The following SLC4A7 variants were observed in gnomAD, a reference collection of about 807,000 sequenced individuals.
SLC4A7 encodes sodium bicarbonate cotransporter 3.
Under a neutral mutation model 137.6 loss-of-function variants are expected in SLC4A7, and 51 were observed. The observed-to-expected ratio is 0.37, with a 90% CI of 0.30 to 0.47. SLC4A7 has a LOEUF of 0.47. Ranked by LOEUF, SLC4A7 falls within the 20% of genes least tolerant of loss-of-function variation. SLC4A7 has a pLI of 1.00. For synonymous variants in SLC4A7, 542 were observed against 518.6 expected, an observed-to-expected ratio of 1.05 and a Z score of -0.61; for missense variants, 1,247 against 1,525.4, an observed-to-expected ratio of 0.82 and a Z score of 3.04.
intron 8 of SLC4A7, 121 bp from the exon 9 acceptor site, chr3:27,421,900 G>C: frequency 1.4e-6 from 1 of 690,860 alleles, no homozygotes; most frequent in Non-Finnish European, 2.3e-6. Context: ...GTGATCTAAT[G>C]AATGTTTAAA....
intron 20 of SLC4A7, 81 bp downstream of exon 20, chr3:27,394,431 TTAAGTA>T (rs1283055434): frequency 7.4e-5 from 89 of 1,197,518 alleles, no homozygotes; most frequent in Non-Finnish European, 9.7e-5. Context: ...TTTAGGTATT[TTAAGTA>T]TATTTTAATG....
Position 27,484,115 on chromosome 3 carries a change from A to T in SLC4A7, c.12T>A (p.Asp4Glu), listed in dbSNP as rs540556299. MEA[D>E]GAGEQMRPLL... ...GCGGTCTCATCTGCTCGCCGGCCCC[A>T]TCAGCCTCCATGGCCGGCCGGCCAG... The change falls in exon 1 of 26, where the codon GAT (aspartate) becomes GAA (glutamate). Residue 4 changes from aspartate (D) to glutamate (E), a missense_variant. Asp to Glu is a conservative substitution (Grantham distance 45). This residue lies in a region of SLC4A7 where 176 missense variants were observed against 186.4 expected (regional missense o/e 0.94). Transcript: ENST00000454389. 574 of 1,390,438 alleles carry T rather than the reference A, an allele frequency of 4.1e-4. 11 individuals carry two copies. The South Asian group carries it at 8.4e-3, about 20-fold the overall frequency. The allele number at this position is 1,390,438 out of a possible 1,614,324, so 86.1% of individuals were successfully genotyped here. A position where few individuals can be genotyped will look rare whatever the true frequency, so the allele number is the denominator to read the frequency against.
intron 2 of SLC4A7, 43 bp from the exon 3 acceptor site, chr3:27,448,840 G>A: frequency 3.4e-6 from 5 of 1,462,462 alleles, no homozygotes; most frequent in East Asian, 2.4e-5. Context: ...TTCCAAAAGA[G>A]AAAAAAGTGA....
At chr3:27,405,887 A>G (rs1463953167) in intron 13 of SLC4A7, among the ~76,000 whole-genome samples, 1 of 152,226 alleles carries the variant, frequency 6.6e-6, no homozygotes, top group Non-Finnish European at 1.5e-5. Context: ...CTAATTTTGT[A>G]CAACCACCAC....
At chr3:27,433,840 A>G in intron 6 of SLC4A7, 76 bp downstream of exon 6, 1 of 1,268,510 alleles carries the variant, frequency 7.9e-7, no homozygotes, top group East Asian at 2.3e-5. Context: ...AATATCCCCA[A>G]ATGTTAATCG....
intron 3 of SLC4A7, among the ~76,000 whole-genome samples, chr3:27,442,479 G>C (rs1005771342): frequency 1.3e-4 from 19 of 150,768 alleles, no homozygotes; most frequent in African/African-American, 4.6e-4. Flanking sequence ...TCACTCCCAG[G>C]ATGGGGTGCA....
At chr3:27,419,218 A>G (rs2054688902) in intron 10 of SLC4A7, among the ~76,000 whole-genome samples, 1 of 152,118 alleles carries the variant, frequency 6.6e-6, no homozygotes, top group Admixed American at 6.5e-5. Context: ...AAAAGAAAGT[A>G]GGGTACAGAA....
At chr3:27,434,133 T>TA (rs768233023) in intron 5 of SLC4A7, 29 bp from the exon 6 acceptor site, 1 of 1,512,456 alleles carries the variant, frequency 6.6e-7, no homozygotes, top group Non-Finnish European at 9.0e-7. Context: ...AATAAATTAC[T>TA]AAACACTCAG....
intron 1 of SLC4A7, among the ~76,000 whole-genome samples, chr3:27,454,316 A>C (rs2058273884): frequency 6.6e-6 from 1 of 152,108 alleles, no homozygotes; most frequent in Non-Finnish European, 1.5e-5. Context: ...AAACGAAAAA[A>C]TTAGCTGGGC....
At chr3:27,416,074 T>C (rs1345096392) in intron 11 of SLC4A7, among the ~76,000 whole-genome samples, 1 of 152,194 alleles carries the variant, frequency 6.6e-6, no homozygotes, top group Non-Finnish European at 1.5e-5. Context: ...CCAACAGGAC[T>C]TCCTATGAGT....
chr3:27,419,181 T>A (rs946234720), intron 10 of SLC4A7, among the ~76,000 whole-genome samples: 1 of 151,958 alleles, frequency 6.6e-6, no homozygotes, highest in Non-Finnish European at 1.5e-5. Flanking sequence ...AAATAAATAA[T>A]TATAGGTATT....
At chr3:27,438,326 G>A (rs1241770674) in intron 3 of SLC4A7, among the ~76,000 whole-genome samples, 1 of 150,922 alleles carries the variant, frequency 6.6e-6, no homozygotes, top group Non-Finnish European at 1.5e-5. Flanking sequence ...CCAACATGGT[G>A]AAACCCTGTC....
chr3:27,438,672 T>TAAC (rs10662127), intron 3 of SLC4A7, among the ~76,000 whole-genome samples: 80,280 of 149,564 alleles, frequency 0.54, 21,588 homozygotes, highest in Middle Eastern at 0.6. Flanking sequence ...TAACATAAAA[T>TAAC]AAAAATAACA....
chr3:27,404,196 C>T (rs1385560732), intron 14 of SLC4A7, among the ~76,000 whole-genome samples: 1 of 152,162 alleles, frequency 6.6e-6, no homozygotes, highest in African/African-American at 2.4e-5. Flanking sequence ...GGTTAAACTC[C>T]ATCTCTACTG....
intron 21 of SLC4A7, 187 bp from the exon 22 acceptor site, chr3:27,390,291 G>A (rs2051403140): frequency 5.0e-6 from 2 of 399,066 alleles, no homozygotes; most frequent in Admixed American, 8.4e-5. Flanking sequence ...GGGGAGGGTG[G>A]CAGGTGGGAA....
intron 6 of SLC4A7, among the ~76,000 whole-genome samples, chr3:27,432,023 C>T (rs1576425408): frequency 1.3e-5 from 2 of 152,104 alleles, no homozygotes; most frequent in Admixed American, 6.5e-5. Flanking sequence ...ATATGTAATA[C>T]ACAATTAATA....
intron 7 of SLC4A7, among the ~76,000 whole-genome samples, chr3:27,427,834 T>C (rs1033600392): frequency 2.0e-5 from 3 of 152,194 alleles, no homozygotes; most frequent in African/African-American, 7.2e-5. Flanking sequence ...ATTTCTTCTG[T>C]TCAAAAAGGC....
intron 15 of SLC4A7, 90 bp from the exon 16 acceptor site, chr3:27,400,959 A>G: frequency 1.4e-6 from 1 of 711,390 alleles, no homozygotes; most frequent in Non-Finnish European, 2.4e-6. Context: ...GTAGATTTTA[A>G]CTTCTTTTTT....
At chr3:27,414,056 G>C (rs991404363) in intron 11 of SLC4A7, among the ~76,000 whole-genome samples, 1 of 152,166 alleles carries the variant, frequency 6.6e-6, no homozygotes, top group East Asian at 1.9e-4. Flanking sequence ...GAGGCAGGTG[G>C]ATCACCTGAG....
Sources: allele counts gnomAD v4.1 joint callset (sites outside exome capture counted in the v4.1 genomes callset), GRCh38; gene constraint gnomAD v4.1.1; regional missense constraint gnomAD v4.1.1; transcripts MANE v1.5; gene names NCBI Gene and HGNC (gene_info 2026-07-23, HGNC 2026-07-21).